MYO1B: variants seen among roughly 807,000 people sequenced by gnomAD.
The protein encoded by MYO1B is myosin IB.
A neutral mutation model predicts 159.7 loss-of-function variants in MYO1B; 72 were observed. That is an observed-to-expected ratio of 0.45 (90% confidence interval 0.37 to 0.55). MYO1B has a LOEUF of 0.55. MYO1B is among the 20% of genes least tolerant of loss of function. The pLI is 0.00. For missense variants in MYO1B, 1,062 were observed against 1,364.8 expected (o/e 0.78, Z 3.50); for synonymous variants, 468 against 473.8 (o/e 0.99, Z 0.16).
chr2:191,339,597 A>T (rs1409667475), intron 4 of MYO1B, among the ~76,000 whole-genome samples: 1 of 152,238 alleles, frequency 6.6e-6, no homozygotes, highest in African/African-American at 2.4e-5. Flanking sequence ...ACAGATGACC[A>T]GACAACCTAT....
At position 191,284,923 on chromosome 2, in the gene MYO1B, C is replaced by T. The variant is rs1436995003; in HGVS notation, c.135+7893C>T. ...TGCTGGGATTATAGGTGTAAGCCACCAAGCCTAGCCAAGACCCTGGTATTT... is the reference window on the plus strand; with the variant it reads ...TGCTGGGATTATAGGTGTAAGCCACTAAGCCTAGCCAAGACCCTGGTATTT... On this transcript the variant is annotated intron_variant, in intron 2 of 30. Coordinates refer to ENST00000392318, the MANE Select transcript of MYO1B (RefSeq NM_001130158.3). Among the ~76,000 whole-genome samples, 3 of 152,128 alleles carry T rather than the reference C, an allele frequency of 2.0e-5. No individual in the cohort carries two copies. In the South Asian group the frequency reaches 6.2e-4, roughly 32 times the overall value.
chr2:191,324,132 T>C (rs1032695563), intron 3 of MYO1B, among the ~76,000 whole-genome samples: 4 of 152,170 alleles, frequency 2.6e-5, no homozygotes, highest in Non-Finnish European at 5.9e-5. Context: ...CTATCTATGA[T>C]TTTATATTTT....
At chr2:191,389,428 C>T (rs896884189) in intron 17 of MYO1B, among the ~76,000 whole-genome samples, 1 of 152,248 alleles carries the variant, frequency 6.6e-6, no homozygotes, top group Admixed American at 6.5e-5. Context: ...GACAGGGCAG[C>T]TCCTTCTGTT....
At chr2:191,350,583 TA>T (rs576583628) in intron 7 of MYO1B, among the ~76,000 whole-genome samples, 20 of 151,620 alleles carry the variant, frequency 1.3e-4, no homozygotes, top group South Asian at 4.2e-4. Flanking sequence ...ATGCTTATGA[TA>T]AAAAAAATAT....
chr2:191,260,006 T>C (rs1316809051), intron 1 of MYO1B, among the ~76,000 whole-genome samples: 1 of 151,928 alleles, frequency 6.6e-6, no homozygotes, highest in Non-Finnish European at 1.5e-5. Flanking sequence ...TTAGGATTGC[T>C]TAGAGGGTAG....
chr2:191,366,409 A>G (rs1694013498), intron 11 of MYO1B, among the ~76,000 whole-genome samples: 2 of 151,548 alleles, frequency 1.3e-5, no homozygotes, highest in Admixed American at 6.6e-5. Context: ...TTAATGTAGT[A>G]CTCAGAGTAT....
chr2:191,409,948 A>G (rs558861108), intron 26 of MYO1B, among the ~76,000 whole-genome samples: 19 of 152,328 alleles, frequency 1.2e-4, no homozygotes, highest in Non-Finnish European at 2.6e-4. Flanking sequence ...CACATCCTCC[A>G]GGAAACTTTC....
intron 4 of MYO1B, among the ~76,000 whole-genome samples, chr2:191,332,692 A>G (rs1363034854): frequency 6.6e-6 from 1 of 152,232 alleles, no homozygotes; most frequent in East Asian, 1.9e-4. Flanking sequence ...GCAATTTGCC[A>G]AAACTTATAC....
At chr2:191,348,429 C>T (rs1692706749) in intron 6 of MYO1B, among the ~76,000 whole-genome samples, 1 of 152,164 alleles carries the variant, frequency 6.6e-6, no homozygotes, top group Non-Finnish European at 1.5e-5. Flanking sequence ...GGCCAGGGAC[C>T]ACCTTCTGTC....
intron 1 of MYO1B, among the ~76,000 whole-genome samples, chr2:191,273,327 T>C (rs1687569250): frequency 6.6e-6 from 1 of 152,138 alleles, no homozygotes; most frequent in South Asian, 2.1e-4. Flanking sequence ...TTCACCATGT[T>C]GGCCAGGCTG....
chr2:191,371,713 AGTAAGAAAAAAATAAAT>A (rs1694376759), intron 13 of MYO1B, among the ~76,000 whole-genome samples: 1 of 152,166 alleles, frequency 6.6e-6, no homozygotes, highest in African/African-American at 2.4e-5. Context: ...AGTATCTGGA[AGTAAGAAAAAAATAAAT>A]GTGGTAAGTC....
chr2:191,270,912 T>C (rs972311851), intron 1 of MYO1B, among the ~76,000 whole-genome samples: 2 of 152,268 alleles, frequency 1.3e-5, no homozygotes, highest in Admixed American at 1.3e-4. Context: ...TGTCATTGTT[T>C]TGCCTTCTGG....
rs1055724412 is a variant in MYO1B, at chr2:191,298,508, A to C, written c.251+2282A>C. Reference sequence around the variant, plus strand: ...GAAAAAATCTGGATTCCTAGGTCTTACTTCTCATAAGCCAGGAATCTACAT... The same window carrying C: ...GAAAAAATCTGGATTCCTAGGTCTTCCTTCTCATAAGCCAGGAATCTACAT... On this transcript the variant is annotated intron_variant, in intron 3 of 30. Coordinates refer to ENST00000392318, the MANE Select transcript of MYO1B (RefSeq NM_001130158.3). 1.2e-4 allele frequency among the ~76,000 whole-genome samples: 19 copies of C among 152,246 alleles called. No homozygotes were observed. The East Asian group carries it at 2.7e-3, about 22-fold the overall frequency.
chr2:191,263,238 C>A, intron 1 of MYO1B: 1 of 765,732 alleles, frequency 1.3e-6, no homozygotes, highest in Non-Finnish European at 1.6e-6. Context: ...AGGATATTGA[C>A]CTACTTTCCC....
At chr2:191,256,829 T>C (rs890334951) in intron 1 of MYO1B, among the ~76,000 whole-genome samples, 5 of 152,328 alleles carry the variant, frequency 3.3e-5, no homozygotes, top group African/African-American at 1.2e-4. Context: ...GTGAAGTACC[T>C]TCCCATTTGT....
At chr2:191,282,431 T>C (rs1688116483) in intron 2 of MYO1B, among the ~76,000 whole-genome samples, 1 of 152,222 alleles carries the variant, frequency 6.6e-6, no homozygotes, top group African/African-American at 2.4e-5. Flanking sequence ...CTGAGTGTTA[T>C]TCCTGTTACT....
rs565226388 is a variant in MYO1B, at chr2:191,383,809, G to A, written c.1353+467G>A. Among the ~76,000 whole-genome samples, 34 of 152,012 alleles carry A rather than the reference G, an allele frequency of 2.2e-4. 1 individual carries two copies. The South Asian group carries it at 6.2e-3, about 28-fold the overall frequency. Reference sequence around the variant, plus strand: ...TACTGATCAGAGTAGGCTCTGAGCAGCCATCCAGTTTTTTGCCAAATCAAA... The same window carrying A: ...TACTGATCAGAGTAGGCTCTGAGCAACCATCCAGTTTTTTGCCAAATCAAA... On this transcript the variant is annotated intron_variant, in intron 15 of 30. Coordinates refer to ENST00000392318, the MANE Select transcript of MYO1B (RefSeq NM_001130158.3).
chr2:191,274,555 C>T (rs183123329), intron 1 of MYO1B, among the ~76,000 whole-genome samples: 4 of 152,288 alleles, frequency 2.6e-5, no homozygotes, highest in Non-Finnish European at 5.9e-5. Flanking sequence ...GGTTGACTTC[C>T]CCCTTAATCC....
At chr2:191,297,678 G>T (rs1689068510) in intron 3 of MYO1B, among the ~76,000 whole-genome samples, 9 of 152,166 alleles carry the variant, frequency 5.9e-5, no homozygotes, top group Admixed American at 5.9e-4. Context: ...TTGGCATATT[G>T]GTAGCGGGGC....
Sources: allele counts gnomAD v4.1 joint callset (sites outside exome capture counted in the v4.1 genomes callset), GRCh38; gene constraint gnomAD v4.1.1; transcripts MANE v1.5; gene names NCBI Gene and HGNC (gene_info 2026-07-23, HGNC 2026-07-21).